The following GDAP1 variants were observed in gnomAD, a reference collection of about 807,000 sequenced individuals.
GDAP1 encodes the protein ganglioside-induced differentiation-associated protein 1.
Under a neutral mutation model 40.1 loss-of-function variants are expected in GDAP1, and 34 were observed. That is an observed-to-expected ratio of 0.85 (90% confidence interval 0.64 to 1.13). The LOEUF (loss-of-function observed/expected upper bound fraction) is 1.13, where lower values mean the gene tolerates loss of function less well. Ranked by LOEUF, GDAP1 falls within the 50% of genes most tolerant of loss-of-function variation. The pLI is 0.00. For synonymous variants in GDAP1, 170 were observed against 157.4 expected (o/e 1.08, Z -0.60); for missense variants, 374 against 433.7 (o/e 0.86, Z 1.22).
intron 2 of GDAP1, among the ~76,000 whole-genome samples, chr8:74,356,717 T>TATATATA (rs1554547167): frequency 6.7e-4 from 15 of 22,250 alleles, no homozygotes; most frequent in Non-Finnish European, 1.1e-3. Context: ...TATATATATA[T>TATATATA]TTTTTTTTTT....
intron 2 of GDAP1, among the ~76,000 whole-genome samples, chr8:74,416,903 T>C (rs559415316): frequency 1.5e-5 from 2 of 136,868 alleles, no homozygotes; most frequent in East Asian, 4.1e-4. Context: ...TTATGAAAAG[T>C]TTTTTTTTTT....
chr8:74,472,410 G>A (rs1806569083), intron 2 of GDAP1, among the ~76,000 whole-genome samples: 1 of 152,316 alleles, frequency 6.6e-6, no homozygotes, highest in East Asian at 1.9e-4. Context: ...GGATGCATGT[G>A]TCTTTATGAT....
At chr8:74,392,277 A>G (rs1343461378) in intron 2 of GDAP1, among the ~76,000 whole-genome samples, 2 of 152,230 alleles carry the variant, frequency 1.3e-5, no homozygotes, top group African/African-American at 4.8e-5. Flanking sequence ...AGTACTTCCC[A>G]GTTTTATCAA....
At chr8:74,437,135 C>G (rs1806102863) in intron 2 of GDAP1, among the ~76,000 whole-genome samples, 3 of 152,148 alleles carry the variant, frequency 2.0e-5, no homozygotes, top group Admixed American at 2.0e-4. Context: ...ACGTTCATGC[C>G]TCGAGTTTCA....
rs530393001 is a variant in GDAP1, at chr8:74,397,219, T to C, written c.165+45898T>C. On this transcript the variant is annotated intron_variant, in intron 2 of 2. Transcript: ENST00000523640. The stretch of plus-strand genomic sequence containing the variant: ...GATGGGTTTTTTTTTTTTTTTCTTG[T>C]AAATTTGTTTGAATTCATTGTAGAT... Among the ~76,000 whole-genome samples the C allele has an allele frequency of 5.5e-3, 833 of 150,566 alleles. 8 individuals carry two copies. The highest frequency in any genetic ancestry group is 0.019 in the African/African-American group (775 of 41,026).
intron 2 of GDAP1, among the ~76,000 whole-genome samples, chr8:74,404,044 A>G (rs1805603978): frequency 6.7e-6 from 1 of 150,190 alleles, no homozygotes; most frequent in Non-Finnish European, 1.5e-5. Context: ...CTATGATAAT[A>G]AAAAGATCAC....
intron 2 of GDAP1, among the ~76,000 whole-genome samples, chr8:74,423,117 A>G (rs7826609): frequency 0.46 from 67,809 of 147,084 alleles, 16,944 homozygotes; most frequent in African/African-American, 0.67. Context: ...GCCAATGATA[A>G]CATCATCAAT....
At chr8:74,379,927 A>C (rs1809920671) in intron 2 of GDAP1, among the ~76,000 whole-genome samples, 1 of 152,238 alleles carries the variant, frequency 6.6e-6, no homozygotes, top group East Asian at 1.9e-4. Context: ...ATAAAAGGCC[A>C]GTTGTGCTTT....
intron 2 of GDAP1, among the ~76,000 whole-genome samples, chr8:74,410,120 A>G (rs1413942845): frequency 1.3e-5 from 2 of 150,096 alleles, no homozygotes; most frequent in African/African-American, 5.1e-5. Context: ...TCAAGAGAAT[A>G]TGACATATGA....
chr8:74,381,229 A>G (rs1328247002), intron 2 of GDAP1, among the ~76,000 whole-genome samples: 1 of 152,154 alleles, frequency 6.6e-6, no homozygotes, highest in East Asian at 1.9e-4. Context: ...AGACTATTTT[A>G]TTAAAGTAAT....
intron 2 of GDAP1, among the ~76,000 whole-genome samples, chr8:74,386,674 T>C: frequency 6.6e-6 from 1 of 152,222 alleles, no homozygotes; most frequent in Non-Finnish European, 1.5e-5. Flanking sequence ...ACAGGCTCTT[T>C]TTTGGTTCCA....
intron 2 of GDAP1, among the ~76,000 whole-genome samples, chr8:74,353,739 A>C (rs1291577328): frequency 1.3e-5 from 2 of 152,198 alleles, no homozygotes; most frequent in Non-Finnish European, 2.9e-5. Context: ...CTTTGTTTTA[A>C]CAAGAGCCCC....
intron 2 of GDAP1, among the ~76,000 whole-genome samples, chr8:74,389,406 A>T (rs746084894): frequency 1.3e-5 from 2 of 152,118 alleles, no homozygotes; most frequent in Admixed American, 6.6e-5. Flanking sequence ...GCTTTTTTGT[A>T]AAGGATTTTA....
intron 2 of GDAP1, among the ~76,000 whole-genome samples, chr8:74,423,468 C>A (rs1409042494): frequency 6.7e-6 from 1 of 148,910 alleles, no homozygotes; most frequent in Non-Finnish European, 1.5e-5. Flanking sequence ...TGCTGTTTTA[C>A]ACAGATTGGG....
At chr8:74,447,686 A>C (rs75177408) in intron 2 of GDAP1, among the ~76,000 whole-genome samples, 2,448 of 152,280 alleles carry the variant, frequency 0.016, 38 homozygotes, top group South Asian at 0.06. Context: ...TCAGGACAGA[A>C]GCACAAGTGG....
intron 2 of GDAP1, among the ~76,000 whole-genome samples, chr8:74,476,689 T>G (rs1162631914): frequency 6.6e-6 from 1 of 152,188 alleles, no homozygotes; most frequent in Non-Finnish European, 1.5e-5. Flanking sequence ...ATACGACCTG[T>G]CCTTTCTCTC....
chr8:74,427,235 G>A (rs1805959176), intron 2 of GDAP1, among the ~76,000 whole-genome samples: 1 of 152,182 alleles, frequency 6.6e-6, no homozygotes, highest in African/African-American at 2.4e-5. Flanking sequence ...GCCGTGTGAT[G>A]CCAGTGCGTC....
At chr8:74,442,123 G>A (rs942475278) in intron 2 of GDAP1, among the ~76,000 whole-genome samples, 1 of 152,202 alleles carries the variant, frequency 6.6e-6, no homozygotes, top group Non-Finnish European at 1.5e-5. Context: ...ATAATACTGT[G>A]TAGTCACATT....
At chr8:74,415,657 T>C (rs918424803) in intron 2 of GDAP1, among the ~76,000 whole-genome samples, 1 of 149,720 alleles carries the variant, frequency 6.7e-6, no homozygotes, top group Non-Finnish European at 1.5e-5. Flanking sequence ...TGGGGCTGAT[T>C]TAGTGAGTGA....
Sources: gnomAD v4.1 joint callset for allele counts (sites outside exome capture counted in the v4.1 genomes callset) on GRCh38, gnomAD v4.1.1 for gene constraint, MANE v1.5 for transcripts, NCBI Gene and HGNC (gene_info 2026-07-23, HGNC 2026-07-21) for gene names.